The following KDM6B variants were observed in gnomAD, a reference collection of about 807,000 sequenced individuals.
KDM6B encodes lysine-specific demethylase 6B.
KDM6B carries 22 observed loss-of-function variants against 150.4 expected under a neutral mutation model. The ratio of observed to expected loss-of-function variants is 0.15; its 90% CI spans 0.10 to 0.21. KDM6B has a LOEUF of 0.21. Among genes scored for constraint, KDM6B ranks in the 10% least tolerant of loss-of-function variants. The pLI is 1.00. For synonymous variants in KDM6B, 1,148 were observed against 921.1 expected (o/e 1.25, Z -4.46); for missense variants, 1,984 against 2,234.3 (o/e 0.89, Z 2.26).
In KDM6B at chr17:7,853,497, G is replaced by A; in HGVS notation, c.4909-1G>A. The A allele has an allele frequency of 6.6e-7, 1 of 1,507,912 alleles. No homozygotes were observed. Among genetic ancestry groups the A allele is most frequent in the South Asian group, 1.2e-5 (1 of 80,748 alleles). 93.4% of individuals were successfully genotyped at this position (1,507,912 alleles called of 1,614,324 possible). A position where few individuals can be genotyped will look rare whatever the true frequency, so the allele number is the denominator to read the frequency against. Reference sequence around the variant, plus strand: ...AGCCCCCGCCGGCTTTCTCCCCCCAGGCCCCAGCCAGCACGTCGCGATGAG... The same window carrying A: ...AGCCCCCGCCGGCTTTCTCCCCCCAAGCCCCAGCCAGCACGTCGCGATGAG... On this transcript the variant is annotated splice_acceptor_variant, in intron 23 of 23. Coordinates refer to ENST00000448097, the MANE Select transcript of KDM6B (RefSeq NM_001348716.2). LOFTEE classifies it high-confidence loss of function.
chr17:7,850,226 G>C (rs755554366), intron 14 of KDM6B, 49 bp downstream of exon 14: 5 of 1,463,204 alleles, frequency 3.4e-6, no homozygotes, highest in Non-Finnish European at 4.8e-6. Flanking sequence ...AGGGTCTGGG[G>C]CATGTAGGAC....
Position 7,848,673 on chromosome 17 carries a change from C to G in KDM6B, c.2385C>G (p.Pro795=). Reference sequence around the variant, plus strand: ...CCTCTCAGCCACAGCCACCACCACCCCCACCCCCCAGCCCGGCCAGCCTGC... The same window carrying G: ...CCTCTCAGCCACAGCCACCACCACCGCCACCCCCCAGCCCGGCCAGCCTGC... ...PPPSQPQPPP[P]PPPSPASLLK... Residue 795 remains proline, a synonymous_variant, in exon 12 of 24, where the codon CCC becomes CCG. Coordinates refer to ENST00000448097, the MANE Select transcript of KDM6B (RefSeq NM_001348716.2). 1.9e-6 allele frequency: 3 copies of G among 1,609,544 alleles called. No homozygotes were observed. In the Middle Eastern group the frequency reaches 6.2e-4, roughly 331 times the overall value.
Position 7,847,657 on chromosome 17 carries a change from C to G in KDM6B, c.1369C>G (p.Pro457Ala). 1 of 1,609,270 alleles carries G rather than the reference C, an allele frequency of 6.2e-7. No individual in the cohort carries two copies. The highest frequency in any genetic ancestry group is 1.1e-5 in the South Asian group (1 of 90,692). Residue 457 changes from proline (P) to alanine (A), a missense_variant, in exon 12 of 24, where the codon CCC becomes GCC. Coordinates refer to ENST00000448097, the MANE Select transcript of KDM6B (RefSeq NM_001348716.2). ...KPFLGAPAAT[P>A]HLSLPPGPSS... ...GTTCTTGGGGGCTCCCGCTGCCACT[C>G]CCCACCTATCCCTGCCACCTGGACC...
chr17:7,850,329 C>G, intron 14 of KDM6B, 152 bp downstream of exon 14: 1 of 650,960 alleles, frequency 1.5e-6, no homozygotes, highest in Non-Finnish European at 2.7e-6. Context: ...CTTCTCCCAT[C>G]TGTCTGTCTC....
rs759561170 is a variant in KDM6B at position 7,847,528 on chromosome 17, C to G, written c.1258-18C>G. On this transcript the variant is annotated intron_variant, in intron 11 of 23. Coordinates refer to ENST00000448097, the MANE Select transcript of KDM6B (RefSeq NM_001348716.2). ...GCAGCCCGAGCAATGCTCCTACCAC[C>G]TGCTTCTACACTTGCAGCCCGGCGC... is the stretch of plus-strand genomic sequence containing the variant. 1.1e-5 allele frequency: 18 copies of G among 1,613,020 alleles called. No homozygotes were observed. The highest frequency in any genetic ancestry group is 1.5e-5 in the Non-Finnish European group (18 of 1,179,904).
rs780125437 is a variant in KDM6B, at chr17:7,847,595, G to A, written c.1307G>A (p.Gly436Asp). Residue 436 changes from glycine (G) to aspartate (D), a missense_variant, in exon 12 of 24, where the codon GGC (glycine) becomes GAC (aspartate). Physicochemically the swap from Gly to Asp is moderately conservative, Grantham distance 94. This residue lies in a region of KDM6B where 1,379 missense variants were observed against 1,275.6 expected (regional missense o/e 1.08). Transcript: ENST00000448097. ...QTPALEVSHH[G>D]RLGPSAHSSR... The stretch of plus-strand genomic sequence containing the variant: ...CCCGCGCTGGAGGTCTCTCACCATG[G>A]CCGCCTGGGGCCCTCGGCACACAGC... 1 of 1,612,696 alleles carries A rather than the reference G, an allele frequency of 6.2e-7. No homozygotes were observed. The highest frequency in any genetic ancestry group is 1.1e-5 in the South Asian group (1 of 91,070).
rs532416027 is a variant in KDM6B, at chr17:7,851,220, T to C, written c.3873T>C (p.Ser1291=). ...AQYQASSFQE[S]LQEEKESEDE... ...ACCAGGCCTCATCCTTCCAGGAGTC[T>C]CTGCAGGTGAGATGAGAACGTGGCC... is the stretch of plus-strand genomic sequence containing the variant. The change falls in exon 15 of 24, where the codon TCT becomes TCC. Residue 1291 remains serine, a synonymous_variant. Transcript: ENST00000448097. The C allele has an allele frequency of 1.3e-4, 213 of 1,614,006 alleles. 1 individual carries two copies. In the South Asian group the frequency reaches 2.2e-3, roughly 16 times the overall value.
Position 7,848,541 on chromosome 17 carries a change from C to T in KDM6B, c.2253C>T (p.Val751=). The stretch of plus-strand genomic sequence containing the variant: ...CCACTACTGCTCCTGCTGTCGCCGT[C>T]ACCACCACCACCACCACCACCACCA... ...APTTTAPAVA[V]TTTTTTTTTT... Residue 751 remains valine (V), a synonymous_variant, in exon 12 of 24, where the codon GTC becomes GTT. Transcript: ENST00000448097. 8.5e-7 allele frequency: 1 copy of T among 1,176,654 alleles called. No individual in the cohort carries two copies. The highest frequency in any genetic ancestry group is 1.1e-6 in the Non-Finnish European group (1 of 903,896). 72.9% of individuals were successfully genotyped at this position (1,176,654 alleles called of 1,614,324 possible).
Position 7,844,990 on chromosome 17 carries a change from C to CGA in KDM6B, c.-178_-177insAG. On this transcript the variant is annotated 5_prime_UTR_variant, in exon 3 of 24. Coordinates refer to ENST00000448097, the MANE Select transcript of KDM6B (RefSeq NM_001348716.2). This position sits in a 1 kb window ranked among gnomAD's most constrained non-coding sequence, Gnocchi z 5.9. The stretch of plus-strand genomic sequence containing the variant: ...TGGCCAGATCTCTGGAGCTTGCCGA[C>CGA]GCGGTGTGAGGACGCTCCCACGGAG... 1 of 184,502 alleles carries CGA rather than the reference C, an allele frequency of 5.4e-6. No homozygotes were observed. The highest frequency in any genetic ancestry group is 1.2e-5 in the Non-Finnish European group (1 of 84,620). 11.4% of individuals were successfully genotyped at this position (184,502 alleles called of 1,614,324 possible). A position where few individuals can be genotyped will look rare whatever the true frequency, so the allele number is the denominator to read the frequency against.
In KDM6B at chr17:7,843,128, C is replaced by A. The variant is rs2078452039; in HGVS notation, c.-268-1773C>A. ...GGAAGTGGCAGAGGGGAAGTGTCAT[C>A]ATCGCCGAAGGGGAAGCTGCCTTTC... On this transcript the variant is annotated intron_variant, in intron 2 of 23. Transcript: ENST00000448097. The surrounding 1 kb of genome is among the most constrained non-coding windows in gnomAD (Gnocchi z 4.5). Among the ~76,000 whole-genome samples, 1 of 152,136 alleles carries A rather than the reference C, an allele frequency of 6.6e-6. No homozygotes were observed. The highest frequency in any genetic ancestry group is 2.1e-4 in the South Asian group (1 of 4,832).
chr17:7,846,646 T>C lies in KDM6B; in HGVS notation c.617T>C (p.Val206Ala). The C allele has an allele frequency of 6.2e-7, 1 of 1,614,086 alleles. No individual in the cohort carries two copies. Among genetic ancestry groups the C allele is most frequent in the Non-Finnish European group, 8.5e-7 (1 of 1,179,986 alleles). The change falls in exon 9 of 24, where the codon GTG (valine) becomes GCG (alanine). Residue 206 changes from valine (V) to alanine (A), a missense_variant. Physicochemically the swap from Val to Ala is moderately conservative, Grantham distance 64. This residue lies in a region of KDM6B where 337 missense variants were observed against 323.9 expected (regional missense o/e 1.04). Coordinates refer to ENST00000448097, the MANE Select transcript of KDM6B (RefSeq NM_001348716.2). ...PVKRAAEPPV[V>A]QPVPPAALSG... ...AAGCGAGCTGCTGAACCCCCAGTGG[T>C]GCAGCCTGTGCCTCCTGCAGCACTC...
chr17:7,846,211 G>C lies in KDM6B; in HGVS notation c.370G>C (p.Glu124Gln), dbSNP rs1202343434. 1 of 1,614,054 alleles carries C rather than the reference G, an allele frequency of 6.2e-7. No homozygotes were observed. The highest frequency in any genetic ancestry group is 8.5e-7 in the Non-Finnish European group (1 of 1,180,032). ...GQLYESEHDS[E>Q]EATRCYHSAL... ...ACTGTACGAGTCAGAGCACGATAGT[G>C]AGGAGGCCACACGCTGCTACCACAG... Residue 124 changes from glutamate to glutamine, a missense_variant, in exon 7 of 24, where the codon GAG becomes CAG. Around this residue, in one of 13 missense-constraint regions of KDM6B, gnomAD observed 337 missense variants for 323.9 expected, o/e 1.04. Transcript: ENST00000448097.
In KDM6B at chr17:7,846,498, G is replaced by C. The variant is rs377537156; in HGVS notation, c.549+6G>C. The C allele has an allele frequency of 1.2e-4, 194 of 1,613,894 alleles. No homozygotes were observed. Among genetic ancestry groups the C allele is most frequent in the Non-Finnish European group, 1.6e-4 (186 of 1,179,970 alleles). On this transcript the variant is annotated splice_donor_region_variant and intron_variant, in intron 8 of 23. Coordinates refer to ENST00000448097, the MANE Select transcript of KDM6B (RefSeq NM_001348716.2). The stretch of plus-strand genomic sequence containing the variant: ...GGAACTTGCTACACCTTGAGGTGAG[G>C]CTGGCACTGGGTGGGTTAGGGAGGA...
intron 21 of KDM6B, 75 bp from the exon 22 acceptor site, chr17:7,852,925 C>G: frequency 6.2e-7 from 1 of 1,601,904 alleles, no homozygotes; most frequent in South Asian, 1.1e-5. Context: ...GCTGCCCACC[C>G]CTCTGCCCTT....
In KDM6B at chr17:7,853,574, A is replaced by C; in HGVS notation, c.*53A>C. ...CCGCGCAAGGCGCCGCGGGGCCACC[A>C]GCACATGCCTGGGCTGGACCTAGGT... On this transcript the variant is annotated 3_prime_UTR_variant, in exon 24 of 24. Transcript: ENST00000448097. 7.5e-7 allele frequency: 1 copy of C among 1,330,386 alleles called. No homozygotes were observed. Among genetic ancestry groups the C allele is most frequent in the South Asian group, 1.6e-5 (1 of 62,284 alleles). 82.4% of individuals were successfully genotyped at this position (1,330,386 alleles called of 1,614,324 possible).
At position 7,849,508 on chromosome 17, in the gene KDM6B, G is replaced by T. The variant is rs2078646964; in HGVS notation, c.3220G>T (p.Ala1074Ser). Residue 1074 changes from alanine (A) to serine (S), a missense_variant, in exon 12 of 24, where the codon GCT becomes TCT. Transcript: ENST00000448097. ...PPSASVPGKKAREEAPGPPGV... is the reference protein window; with the variant it reads ...PPSASVPGKKSREEAPGPPGV... ...GTCAGCCTCTGTCCCTGGAAAGAAG[G>T]CTCGGGAGGAAGCCCCAGGGCCACC... The T allele has an allele frequency of 6.2e-7, 1 of 1,612,912 alleles. No individual in the cohort carries two copies. Among genetic ancestry groups the T allele is most frequent in the Non-Finnish European group, 8.5e-7 (1 of 1,179,968 alleles).
At position 7,853,562 on chromosome 17, in the gene KDM6B, C is replaced by T. The variant is rs1425148622; in HGVS notation, c.*41C>T. 2.2e-6 allele frequency: 3 copies of T among 1,377,514 alleles called. No homozygotes were observed. Among genetic ancestry groups the T allele is most frequent in the East Asian group, 3.3e-5 (1 of 30,606 alleles). The allele number at this position is 1,377,514 out of a possible 1,614,324, so 85.3% of individuals were successfully genotyped here. ...CCGCCTGCCTGCCCGCGCAAGGCGC[C>T]GCGGGGCCACCAGCACATGCCTGGG... On this transcript the variant is annotated 3_prime_UTR_variant, in exon 24 of 24. Coordinates refer to ENST00000448097, the MANE Select transcript of KDM6B (RefSeq NM_001348716.2).
Position 7,848,333 on chromosome 17 carries a change from T to G in KDM6B, c.2045T>G (p.Phe682Cys). 1 of 1,612,626 alleles carries G rather than the reference T, an allele frequency of 6.2e-7. No individual in the cohort carries two copies. Among genetic ancestry groups the G allele is most frequent in the Non-Finnish European group, 8.5e-7 (1 of 1,179,942 alleles). The change falls in exon 12 of 24, where the codon TTT (phenylalanine) becomes TGT (cysteine). Residue 682 changes from phenylalanine to cysteine, a missense_variant. Coordinates refer to ENST00000448097, the MANE Select transcript of KDM6B (RefSeq NM_001348716.2). The stretch of plus-strand genomic sequence containing the variant: ...CCCCCCACTCCGCTGGAGGACCAGT[T>G]TGAGGAGCCAGCCGAATTCAAGATC... ...DFPPTPLEDQ[F>C]EEPAEFKILP... is the part of the protein sequence containing the mutation.
rs1241870889 is a variant in KDM6B, at chr17:7,848,553, C to A, written c.2265C>A (p.Thr755=). 6.2e-7 allele frequency: 1 copy of A among 1,601,252 alleles called. No individual in the cohort carries two copies. The highest frequency in any genetic ancestry group is 8.5e-7 in the Non-Finnish European group (1 of 1,174,704). Residue 755 remains threonine (T), a synonymous_variant, in exon 12 of 24, where the codon ACC becomes ACA. Transcript: ENST00000448097. The stretch of plus-strand genomic sequence containing the variant: ...CTGCTGTCGCCGTCACCACCACCAC[C>A]ACCACCACCACCACCACCACGGCCA... The part of the protein sequence containing the change: ...TAPAVAVTTT[T]TTTTTTTATQ...
Sources: allele counts gnomAD v4.1 joint callset (sites outside exome capture counted in the v4.1 genomes callset), GRCh38; gene constraint gnomAD v4.1.1; regional missense constraint gnomAD v4.1.1; non-coding constraint Gnocchi (gnomAD v3.1); transcripts MANE v1.5; gene names NCBI Gene and HGNC (gene_info 2026-07-23, HGNC 2026-07-21).